Variants in ERCC2 observed in about 807,000 individuals in gnomAD.
ERCC2 encodes the protein general transcription and DNA repair factor IIH helicase subunit XPD.
A neutral mutation model predicts 99.4 loss-of-function variants in ERCC2; 90 were observed. The ratio of observed to expected loss-of-function variants is 0.91; its 90% CI spans 0.76 to 1.08. ERCC2 has a LOEUF of 1.08. Among genes scored for constraint, ERCC2 ranks in the 50% least tolerant of loss-of-function variants. The pLI, the probability that ERCC2 is intolerant of heterozygous loss-of-function variation, is 0.00. For synonymous variants in ERCC2, 497 were observed against 432.4 expected (o/e 1.15, Z -1.85); for missense variants, 993 against 1,038.1 (o/e 0.96, Z 0.60).
rs1410916993 is a variant in ERCC2 at position 45,352,209 on chromosome 19, C to G, written c.2190G>C (p.Arg730=). The G allele has an allele frequency of 1.9e-6, 3 of 1,613,628 alleles. No individual in the cohort carries two copies. Among genetic ancestry groups the G allele is most frequent in the Non-Finnish European group, 2.5e-6 (3 of 1,179,944 alleles). Residue 730 remains arginine (R), a splice_region_variant and synonymous_variant, in exon 22 of 23, where the codon CGG becomes CGC. Coordinates refer to ENST00000391945, the MANE Select transcript of ERCC2 (RefSeq NM_000400.4). ...GCCGGGAGGGGGACGCAGGCCTCAC[C>G]CGGTGGAAGGGCTGTGCCATCTGCC... ...FLRQMAQPFH[R]EDQLGLSLLS... is the part of the protein sequence containing the mutation.
Position 45,370,566 on chromosome 19 carries a change from G to A in ERCC2, c.-26C>T, listed in dbSNP as rs1972576855. On this transcript the variant is annotated 5_prime_UTR_variant, in exon 1 of 23. Coordinates refer to ENST00000391945, the MANE Select transcript of ERCC2 (RefSeq NM_000400.4). Reference sequence around the variant, plus strand: ...GGCGCCGGCCGGACTGTGCAGCGGGGTCGACCCGCCTCCCTCATGAATATT... The same window carrying A: ...GGCGCCGGCCGGACTGTGCAGCGGGATCGACCCGCCTCCCTCATGAATATT... 7 of 1,590,584 alleles carry A rather than the reference G, an allele frequency of 4.4e-6. No homozygotes were observed. The highest frequency in any genetic ancestry group is 1.3e-5 in the African/African-American group (1 of 74,632).
intron 12 of ERCC2, among the ~76,000 whole-genome samples, chr19:45,360,694 T>A (rs1349583260): frequency 6.6e-6 from 1 of 151,992 alleles, no homozygotes; most frequent in Non-Finnish European, 1.5e-5. Flanking sequence ...AATTTTTGTA[T>A]TTTTAGTAAA....
chr19:45,364,720 G>A (rs1243797946), intron 7 of ERCC2, 118 bp downstream of exon 7: 6 of 1,240,632 alleles, frequency 4.8e-6, no homozygotes, highest in South Asian at 1.2e-5. Context: ...CCCACCAACA[G>A]GGAGATGCAG....
chr19:45,352,950 A>G (rs1303676690), intron 19 of ERCC2, 133 bp downstream of exon 19: 1 of 1,181,270 alleles, frequency 8.5e-7, no homozygotes, highest in Non-Finnish European at 1.3e-6. Context: ...CTAGGGACAG[A>G]GGGGAGGGGA....
rs759395897 is a variant in ERCC2, at chr19:45,350,926, C to T, written c.*703G>A. 5.0e-6 allele frequency: 8 copies of T among 1,610,972 alleles called. No individual in the cohort carries two copies. The South Asian group carries it at 7.7e-5, about 15-fold the overall frequency. ...GAGGGGGGCCACTCCTGGATTCACT[C>T]ATTTCCTCCCTGCTGCCCTCTTTGC... On this transcript the variant is annotated 3_prime_UTR_variant, in exon 23 of 23. Coordinates refer to ENST00000391945, the MANE Select transcript of ERCC2 (RefSeq NM_000400.4).
chr19:45,350,643 C>A lies in ERCC2; in HGVS notation c.*986G>T. ...CAGCATCCCCGGCCCCTCCCCAGGC[C>A]CTTCGCCGCAGCAGCTCACTCTCCA... On this transcript the variant is annotated 3_prime_UTR_variant, in exon 23 of 23. Coordinates refer to ENST00000391945, the MANE Select transcript of ERCC2 (RefSeq NM_000400.4). 1 of 1,613,448 alleles carries A rather than the reference C, an allele frequency of 6.2e-7. No individual in the cohort carries two copies. Among genetic ancestry groups the A allele is most frequent in the Non-Finnish European group, 8.5e-7 (1 of 1,179,586 alleles).
At chr19:45,362,481 A>G (rs941843039) in intron 11 of ERCC2, among the ~76,000 whole-genome samples, 2 of 152,158 alleles carry the variant, frequency 1.3e-5, no homozygotes, top group African/African-American at 4.8e-5. Flanking sequence ...CTCGGCCACA[A>G]CCACACACAG....
rs147164719 is a variant in ERCC2, at chr19:45,358,955, C to T, written c.1238-1256G>A. The stretch of plus-strand genomic sequence containing the variant: ...AAATGAATGAATGAATTTACATATT[C>T]GGTTTCACACAGTGAAAAAAAATCA... On this transcript the variant is annotated intron_variant, in intron 12 of 22. Coordinates refer to ENST00000391945, the MANE Select transcript of ERCC2 (RefSeq NM_000400.4). The T allele has an allele frequency of 4.1e-4, 308 of 747,246 alleles. 1 individual carries two copies. The highest frequency in any genetic ancestry group is 5.6e-4 in the Non-Finnish European group (223 of 401,296). 46.3% of individuals were successfully genotyped at this position (747,246 alleles called of 1,614,324 possible). A position where few individuals can be genotyped will look rare whatever the true frequency, so the allele number is the denominator to read the frequency against.
rs368247227 is a variant in ERCC2 at position 45,352,755 on chromosome 19, G to A, written c.1893C>T (p.Arg631=). The change falls in exon 20 of 23, where the codon CGC becomes CGT. Residue 631 remains arginine, a synonymous_variant. Coordinates refer to ENST00000391945, the MANE Select transcript of ERCC2 (RefSeq NM_000400.4). ...FGVPYVYTQS[R]ILKARLEYLR... Reference sequence around the variant, plus strand: ...AGACAGAGCTACTCACCTTGAGAATGCGGCTCTGTGTGTAGACGTAGGGGA... The same window carrying A: ...AGACAGAGCTACTCACCTTGAGAATACGGCTCTGTGTGTAGACGTAGGGGA... The A allele has an allele frequency of 4.7e-5, 76 of 1,613,984 alleles. No homozygotes were observed. In the South Asian group the frequency reaches 8.2e-4, roughly 17 times the overall value.
chr19:45,355,757 G>C lies in ERCC2; in HGVS notation c.1480-29C>G, dbSNP rs545567785. On this transcript the variant is annotated intron_variant, in intron 15 of 22. Coordinates refer to ENST00000391945, the MANE Select transcript of ERCC2 (RefSeq NM_000400.4). Reference sequence around the variant, plus strand: ...GAGAGCAACAGAGGTCACGATAAGCGAGGCAGCAGCAACTGCTCCAGCGTG... The same window carrying C: ...GAGAGCAACAGAGGTCACGATAAGCCAGGCAGCAGCAACTGCTCCAGCGTG... 4.4e-6 allele frequency: 7 copies of C among 1,605,570 alleles called. No individual in the cohort carries two copies. In the South Asian group the frequency reaches 5.5e-5, roughly 13 times the overall value.
In ERCC2 at chr19:45,361,631, T is replaced by C; in HGVS notation, c.1130A>G (p.Glu377Gly). 6.2e-7 allele frequency: 1 copy of C among 1,613,256 alleles called. No homozygotes were observed. Among genetic ancestry groups the C allele is most frequent in the Non-Finnish European group, 8.5e-7 (1 of 1,179,468 alleles). ...AGTATGCAGCAGGGACCGGAGGCGT[T>C]CAGCACAGAATCTGGCGGGGAGGAG... ...IQRKPLRFCA[E>G]RLRSLLHTLE... Residue 377 changes from glutamate to glycine, a missense_variant, in exon 12 of 23, where the codon GAA becomes GGA. By Grantham distance (98) the Glu-to-Gly change is moderately conservative. Around this residue, in one of 3 missense-constraint regions of ERCC2, gnomAD observed 909 missense variants for 930.8 expected, o/e 0.98. Coordinates refer to ENST00000391945, the MANE Select transcript of ERCC2 (RefSeq NM_000400.4).
chr19:45,361,408 T>C, intron 12 of ERCC2, 116 bp downstream of exon 12: 1 of 806,384 alleles, frequency 1.2e-6, no homozygotes, highest in Non-Finnish European at 2.2e-6. Context: ...GGGCCCACAC[T>C]TCCAAGCCAA....
intron 22 of ERCC2, among the ~76,000 whole-genome samples, 166 bp from the exon 23 acceptor site, chr19:45,351,887 A>G (rs1163401003): frequency 6.6e-6 from 1 of 152,148 alleles, no homozygotes; most frequent in Non-Finnish European, 1.5e-5. Context: ...TCAACATAAG[A>G]TGGGGCTGAG....
rs772567424 is a variant in ERCC2, at chr19:45,361,516, G to A, written c.1237+8C>T. 21 of 1,598,538 alleles carry A rather than the reference G, an allele frequency of 1.3e-5. No homozygotes were observed. The highest frequency in any genetic ancestry group is 1.8e-5 in the Non-Finnish European group (21 of 1,166,078). On this transcript the variant is annotated splice_region_variant and intron_variant, in intron 12 of 22. Transcript: ENST00000391945. ...AGGCCCAGCAGGGACAGAAAAAGGT[G>A]AGCTTACCTTTGGCGTAGGTGCTGA...
chr19:45,355,910 C>A (rs561617350), intron 15 of ERCC2, among the ~76,000 whole-genome samples, 182 bp from the exon 16 acceptor site: 27 of 151,930 alleles, frequency 1.8e-4, no homozygotes, highest in African/African-American at 6.3e-4. Context: ...CCGCCTTGGC[C>A]TCCCAGAGTG....
Position 45,370,516 on chromosome 19 carries a change from A to AC in ERCC2, c.5+19dup. 1 of 1,435,302 alleles carries AC rather than the reference A, an allele frequency of 7.0e-7. No homozygotes were observed. The highest frequency in any genetic ancestry group is 9.3e-7 in the Non-Finnish European group (1 of 1,080,514). The allele number at this position is 1,435,302 out of a possible 1,614,324, so 88.9% of individuals were successfully genotyped here. A position where few individuals can be genotyped will look rare whatever the true frequency, so the allele number is the denominator to read the frequency against. On this transcript the variant is annotated intron_variant, in intron 1 of 22. Transcript: ENST00000391945. Reference sequence around the variant, plus strand: ...CCCCCCGCGCCCGCTAGCGAGCGCGACCCCCAGCCCCCTTCTCACTTCATG... The same window carrying AC: ...CCCCCCGCGCCCGCTAGCGAGCGCGACCCCCCAGCCCCCTTCTCACTTCATG...
Position 45,361,024 on chromosome 19 carries a change from G to A in ERCC2, c.1237+500C>T, listed in dbSNP as rs552624489. Among the ~76,000 whole-genome samples, 18 of 152,068 alleles carry A rather than the reference G, an allele frequency of 1.2e-4. No individual in the cohort carries two copies. The East Asian group carries it at 2.7e-3, about 23-fold the overall frequency. ...CATGCGCCTGTAGTCCCAGATACTC[G>A]GGAGGCTGAGGCAGGAGAATTGCTT... On this transcript the variant is annotated intron_variant, in intron 12 of 22. Coordinates refer to ENST00000391945, the MANE Select transcript of ERCC2 (RefSeq NM_000400.4).
intron 16 of ERCC2, among the ~76,000 whole-genome samples, chr19:45,355,132 G>A (rs908461072): frequency 6.6e-6 from 1 of 152,216 alleles, no homozygotes; most frequent in Admixed American, 6.5e-5. Flanking sequence ...CGAGGCGGGT[G>A]GATCATCTGA....
At chr19:45,358,109 G>A (rs1369298590) in intron 12 of ERCC2, 3 of 300,360 alleles carry the variant, frequency 1.0e-5, no homozygotes, top group East Asian at 8.2e-5. Context: ...GCAGTGGCAT[G>A]ATCTCGGCTC....
Sources: gnomAD v4.1 joint callset for allele counts (sites outside exome capture counted in the v4.1 genomes callset) on GRCh38, gnomAD v4.1.1 for gene constraint, gnomAD v4.1.1 regional missense constraint, MANE v1.5 for transcripts, NCBI Gene and HGNC (gene_info 2026-07-23, HGNC 2026-07-21) for gene names.